The following ZMAT2 variants were observed in gnomAD, a reference collection of about 807,000 sequenced individuals.
The protein encoded by ZMAT2 is zinc finger matrin-type 2.
ZMAT2 carries 5 observed loss-of-function variants against 27.5 expected under a neutral mutation model. The ratio of observed to expected loss-of-function variants is 0.18; its 90% CI spans 0.10 to 0.38. The LOEUF (loss-of-function observed/expected upper bound fraction) is 0.38. ZMAT2 is among the 10% of genes least tolerant of loss of function. ZMAT2 has a pLI of 1.00. For missense variants in ZMAT2, 124 were observed against 243.9 expected, an observed-to-expected ratio of 0.51 and a Z score of 3.27; for synonymous variants, 76 against 78.6, an observed-to-expected ratio of 0.97 and a Z score of 0.17.
intron 5 of ZMAT2, 76 bp downstream of exon 5, chr5:140,704,647 T>C: frequency 6.6e-7 from 1 of 1,509,718 alleles, no homozygotes. Context: ...CCTGTCCTCA[T>C]CCCACTCCTA....
At chr5:140,704,017 T>G in intron 4 of ZMAT2, 26 bp downstream of exon 4, 1 of 1,609,362 alleles carries the variant, frequency 6.2e-7, no homozygotes, top group Non-Finnish European at 8.5e-7. Context: ...AGCTTGTGAC[T>G]AGGGCTGGAA....
At chr5:140,704,063 C>CTT in intron 4 of ZMAT2, 72 bp downstream of exon 4, 1 of 1,354,008 alleles carries the variant, frequency 7.4e-7, no homozygotes, top group Non-Finnish European at 1.0e-6. Context: ...GGAAGGGTAG[C>CTT]TTTTTTTTTC....
At chr5:140,705,011 G>A (rs1225369488) in intron 5 of ZMAT2, among the ~76,000 whole-genome samples, 1 of 151,928 alleles carries the variant, frequency 6.6e-6, no homozygotes, top group Non-Finnish European at 1.5e-5. Flanking sequence ...CTAACACAAA[G>A]CCTATTCTAT....
intron 2 of ZMAT2, among the ~76,000 whole-genome samples, chr5:140,701,502 T>G (rs1446856314): frequency 1.3e-5 from 2 of 152,230 alleles, no homozygotes; most frequent in African/African-American, 4.8e-5. Flanking sequence ...CTTCTTTCCC[T>G]TTACCTCCAG....
Position 140,705,911 on chromosome 5 carries a change from C to T in ZMAT2, c.*155C>T. On this transcript the variant is annotated 3_prime_UTR_variant, in exon 6 of 6. Coordinates refer to ENST00000274712, the MANE Select transcript of ZMAT2 (RefSeq NM_144723.3). ...GGTGGGGGCTCATGGTTTCCCTCTA[C>T]TTTGGGAGAGGGCACAGATTGCAGA... 1 of 992,156 alleles carries T rather than the reference C, an allele frequency of 1.0e-6. No homozygotes were observed. The highest frequency in any genetic ancestry group is 2.1e-5 in the South Asian group (1 of 47,182). 61.5% of individuals were successfully genotyped at this position (992,156 alleles called of 1,614,324 possible). A position where few individuals can be genotyped will look rare whatever the true frequency, so the allele number is the denominator to read the frequency against.
At position 140,706,023 on chromosome 5, in the gene ZMAT2, C is replaced by G. The variant is rs1319500763; in HGVS notation, c.*267C>G. The G allele has an allele frequency of 5.3e-6, 2 of 375,540 alleles. No homozygotes were observed. The highest frequency in any genetic ancestry group is 9.4e-6 in the Non-Finnish European group (2 of 211,918). The allele number at this position is 375,540 out of a possible 1,614,324, so 23.3% of individuals were successfully genotyped here. A position where few individuals can be genotyped will look rare whatever the true frequency, so the allele number is the denominator to read the frequency against. On this transcript the variant is annotated 3_prime_UTR_variant, in exon 6 of 6. Transcript: ENST00000274712. Reference sequence around the variant, plus strand: ...ACCTGAGTTCCCAATAAAGAAAAACCTCCCCTTCTGAGGCTGCTTTCCCAA... The same window carrying G: ...ACCTGAGTTCCCAATAAAGAAAAACGTCCCCTTCTGAGGCTGCTTTCCCAA...
chr5:140,704,845 T>C (rs12109317), intron 5 of ZMAT2, among the ~76,000 whole-genome samples: 5,173 of 150,030 alleles, frequency 0.034, 235 homozygotes, highest in African/African-American at 0.11. Flanking sequence ...CATACAGATA[T>C]TTCTCAACTT....
chr5:140,704,655 C>T, intron 5 of ZMAT2, 84 bp downstream of exon 5: 1 of 1,427,968 alleles, frequency 7.0e-7, no homozygotes, highest in East Asian at 2.3e-5. Context: ...CATCCCACTC[C>T]TACTCCCACC....
chr5:140,705,958 T>C lies in ZMAT2; in HGVS notation c.*202T>C, dbSNP rs528600785. 2.2e-5 allele frequency: 13 copies of C among 596,234 alleles called. No individual in the cohort carries two copies. The South Asian group carries it at 5.0e-4, about 23-fold the overall frequency. 36.9% of individuals were successfully genotyped at this position (596,234 alleles called of 1,614,324 possible). ...CAGAGGTAATGCTGTGGCATATTGCTTCTGCCTCAGTGTATCACTGGAGTC... is the reference window on the plus strand; with the variant it reads ...CAGAGGTAATGCTGTGGCATATTGCCTCTGCCTCAGTGTATCACTGGAGTC... On this transcript the variant is annotated 3_prime_UTR_variant, in exon 6 of 6. Coordinates refer to ENST00000274712, the MANE Select transcript of ZMAT2 (RefSeq NM_144723.3).
chr5:140,705,893 G>GCC lies in ZMAT2; in HGVS notation c.*138_*139insCC. 3 of 1,126,164 alleles carry GCC rather than the reference G, an allele frequency of 2.7e-6. No individual in the cohort carries two copies. The highest frequency in any genetic ancestry group is 2.5e-6 in the Non-Finnish European group (2 of 812,790). 69.8% of individuals were successfully genotyped at this position (1,126,164 alleles called of 1,614,324 possible). ...CAATGGGGAGGGATAGAGGGTGGGG[G>GCC]CTCATGGTTTCCCTCTACTTTGGGA... On this transcript the variant is annotated 3_prime_UTR_variant, in exon 6 of 6. Coordinates refer to ENST00000274712, the MANE Select transcript of ZMAT2 (RefSeq NM_144723.3).
At chr5:140,704,169 C>T (rs185030174) in intron 4 of ZMAT2, among the ~76,000 whole-genome samples, 178 bp downstream of exon 4, 3 of 152,178 alleles carry the variant, frequency 2.0e-5, no homozygotes, top group Admixed American at 1.3e-4. Flanking sequence ...GTTGTTTCAG[C>T]ACAGGCCGTC....
At chr5:140,702,581 T>C (rs886141287) in intron 3 of ZMAT2, among the ~76,000 whole-genome samples, 14 of 152,262 alleles carry the variant, frequency 9.2e-5, no homozygotes, top group Non-Finnish European at 4.4e-5. Flanking sequence ...TCTGATTTAC[T>C]ATTAATATTT....
intron 3 of ZMAT2, 88 bp downstream of exon 3, chr5:140,702,217 T>G (rs1562071229): frequency 6.6e-7 from 1 of 1,509,494 alleles, no homozygotes; most frequent in Non-Finnish European, 9.0e-7. Context: ...AGGAAGGTCC[T>G]TGGCCCCAGG....
intron 2 of ZMAT2, among the ~76,000 whole-genome samples, chr5:140,701,239 A>G (rs554579650): frequency 6.6e-6 from 1 of 152,268 alleles, no homozygotes; most frequent in African/African-American, 2.4e-5. Context: ...GCTGCTGTGC[A>G]TTACCGCTAT....
chr5:140,705,826 G>C lies in ZMAT2; in HGVS notation c.*70G>C. 1 of 1,555,446 alleles carries C rather than the reference G, an allele frequency of 6.4e-7. No individual in the cohort carries two copies. Among genetic ancestry groups the C allele is most frequent in the Non-Finnish European group, 8.7e-7 (1 of 1,150,422 alleles). On this transcript the variant is annotated 3_prime_UTR_variant, in exon 6 of 6. Transcript: ENST00000274712. ...TTTGCGTGTGTGTGTGTGTAGTAGG[G>C]GGTCATTTCTTTTTGGGTAATGGGA...
chr5:140,703,116 T>C (rs1759994167), intron 3 of ZMAT2, among the ~76,000 whole-genome samples: 1 of 152,208 alleles, frequency 6.6e-6, no homozygotes, highest in South Asian at 2.1e-4. Flanking sequence ...AAGGTAGGTC[T>C]GCATTCATAT....
At chr5:140,704,599 C>T (rs780962840) in intron 5 of ZMAT2, 28 bp downstream of exon 5, 66 of 1,609,182 alleles carry the variant, frequency 4.1e-5, no homozygotes, top group Admixed American at 6.7e-5. Context: ...TTCCCCTCTC[C>T]CCCAGATTTG....
intron 2 of ZMAT2, among the ~76,000 whole-genome samples, chr5:140,701,633 A>T (rs997450045): frequency 3.3e-5 from 5 of 152,194 alleles, no homozygotes; most frequent in African/African-American, 1.2e-4. Flanking sequence ...CAGCTCTCAG[A>T]AGGTTCCTTT....
In ZMAT2 at chr5:140,705,604, T is replaced by C; in HGVS notation, c.457-9T>C. 1 of 1,608,288 alleles carries C rather than the reference T, an allele frequency of 6.2e-7. No individual in the cohort carries two copies. Among genetic ancestry groups the C allele is most frequent in the Non-Finnish European group, 8.5e-7 (1 of 1,177,034 alleles). ...GTCTAAACTGATTCTGAGTGATTTTTCCCTCCAGGAGGAAAAGGCCAAAGC... is the reference window on the plus strand; with the variant it reads ...GTCTAAACTGATTCTGAGTGATTTTCCCCTCCAGGAGGAAAAGGCCAAAGC... On this transcript the variant is annotated splice_polypyrimidine_tract_variant and intron_variant, in intron 5 of 5. Transcript: ENST00000274712.
Sources: gnomAD v4.1 joint callset for allele counts (sites outside exome capture counted in the v4.1 genomes callset) on GRCh38, gnomAD v4.1.1 for gene constraint, MANE v1.5 for transcripts, NCBI Gene and HGNC (gene_info 2026-07-23, HGNC 2026-07-21) for gene names.